Variants in DLGAP2 observed in about 807,000 individuals in gnomAD.
The protein encoded by DLGAP2 is disks large-associated protein 2.
In DLGAP2, 26 loss-of-function variants were observed where a neutral mutation model predicts 100.3. The observed-to-expected ratio is 0.26, with a 90% confidence interval of 0.19 to 0.36. The LOEUF (loss-of-function observed/expected upper bound fraction) is 0.36, where lower values mean the gene tolerates loss of function less well. Among genes scored for constraint, DLGAP2 ranks in the 10% least tolerant of loss-of-function variants. The pLI is 1.00. For missense variants in DLGAP2, 1,858 were observed against 1,453.2 expected, an observed-to-expected ratio of 1.28 and a Z score of -4.53; for synonymous variants, 886 against 630.1, an observed-to-expected ratio of 1.41 and a Z score of -6.08.
chr8:1,456,802 A>ACGCCGTGAGCCCGGG, intron 3 of DLGAP2, among the ~76,000 whole-genome samples: 2 of 152,104 alleles, frequency 1.3e-5, no homozygotes, highest in Non-Finnish European at 2.9e-5. Flanking sequence ...GAGCTCTGTG[A>ACGCCGTGAGCCCGGG]TGCCGTGAGC....
At chr8:1,025,310 C>A (rs1362518150) in intron 2 of DLGAP2, among the ~76,000 whole-genome samples, 5 of 152,122 alleles carry the variant, frequency 3.3e-5, no homozygotes, top group Non-Finnish European at 1.5e-5. Context: ...AACTTCATGA[C>A]GTGTCTGAAG....
intron 3 of DLGAP2, among the ~76,000 whole-genome samples, chr8:1,307,808 A>G (rs545607892): frequency 6.6e-6 from 1 of 152,172 alleles, no homozygotes; most frequent in East Asian, 1.9e-4. Flanking sequence ...TGAGGTACGA[A>G]AGCAGTCGAA....
At chr8:835,771 A>G (rs1324621430) in intron 1 of DLGAP2, among the ~76,000 whole-genome samples, 2 of 152,162 alleles carry the variant, frequency 1.3e-5, no homozygotes, top group African/African-American at 4.8e-5. Flanking sequence ...GTTAATTTAC[A>G]GTTAATTCAG....
chr8:920,904 A>G (rs894376009), intron 2 of DLGAP2, among the ~76,000 whole-genome samples: 3 of 152,218 alleles, frequency 2.0e-5, no homozygotes, highest in Non-Finnish European at 2.9e-5. Flanking sequence ...CATGCTGAGC[A>G]CTTGGCAGGA....
chr8:1,284,690 C>T (rs1215540931), intron 3 of DLGAP2, among the ~76,000 whole-genome samples: 1 of 152,214 alleles, frequency 6.6e-6, no homozygotes, highest in Admixed American at 6.5e-5. Context: ...GGCACCGTCT[C>T]AGCTCAGTGC....
At chr8:1,448,180 G>C (rs1043784014) in intron 3 of DLGAP2, among the ~76,000 whole-genome samples, 3 of 152,108 alleles carry the variant, frequency 2.0e-5, no homozygotes, top group Non-Finnish European at 4.4e-5. Context: ...TGTGACATTA[G>C]GGTGTTGATT....
At chr8:898,833 C>A (rs766634101) in intron 1 of DLGAP2, among the ~76,000 whole-genome samples, 1 of 152,206 alleles carries the variant, frequency 6.6e-6, no homozygotes, top group Non-Finnish European at 1.5e-5. Context: ...TCAGCTGCAG[C>A]TTTGAAGGGG....
chr8:819,927 G>A (rs1288184900), intron 1 of DLGAP2, among the ~76,000 whole-genome samples: 4 of 152,140 alleles, frequency 2.6e-5, no homozygotes, highest in Non-Finnish European at 5.9e-5. Context: ...TGGGAATAGG[G>A]GAGTGGATTA....
chr8:1,595,679 A>AC (rs1047711456), intron 6 of DLGAP2, among the ~76,000 whole-genome samples: 1 of 131,234 alleles, frequency 7.6e-6, no homozygotes, highest in African/African-American at 3.0e-5. Flanking sequence ...GTCTCAAAAA[A>AC]AAAAAAAAAA....
At chr8:1,007,539 A>T (rs779747307) in intron 2 of DLGAP2, among the ~76,000 whole-genome samples, 2 of 151,142 alleles carry the variant, frequency 1.3e-5, no homozygotes, top group Non-Finnish European at 3.0e-5. Flanking sequence ...CAGCGGATGT[A>T]CACGAAGCCA....
At chr8:1,085,379 G>A (rs12674929) in intron 2 of DLGAP2, among the ~76,000 whole-genome samples, 4,985 of 152,194 alleles carry the variant, frequency 0.033, 222 homozygotes, top group East Asian at 0.14. Context: ...TTATTTCTCT[G>A]TCTATGCTTT....
chr8:1,190,613 C>G (rs903521265), intron 2 of DLGAP2, among the ~76,000 whole-genome samples: 1 of 152,188 alleles, frequency 6.6e-6, no homozygotes, highest in Non-Finnish European at 1.5e-5. Flanking sequence ...GCCAAAACAG[C>G]TGTTTGGTGA....
intron 2 of DLGAP2, among the ~76,000 whole-genome samples, chr8:1,164,169 C>T (rs11785028): frequency 0.072 from 1,443 of 20,020 alleles, 168 homozygotes; most frequent in Middle Eastern, 0.19. Flanking sequence ...CCCCAGGGCC[C>T]GTCATTTTGG....
chr8:1,652,025 C>G (rs1798178824), intron 8 of DLGAP2, among the ~76,000 whole-genome samples: 1 of 152,240 alleles, frequency 6.6e-6, no homozygotes, highest in Non-Finnish European at 1.5e-5. Flanking sequence ...CCCAGTGAGG[C>G]TTTCTCTTTT....
At chr8:1,410,106 C>T (rs78094925) in intron 3 of DLGAP2, among the ~76,000 whole-genome samples, 2,037 of 152,258 alleles carry the variant, frequency 0.013, 21 homozygotes, top group Middle Eastern at 0.044. Context: ...CCCAGGAATG[C>T]CAGACGCTGA....
At chr8:1,602,435 A>T (rs1796658365) in intron 6 of DLGAP2, among the ~76,000 whole-genome samples, 1 of 152,226 alleles carries the variant, frequency 6.6e-6, no homozygotes, top group African/African-American at 2.4e-5. Context: ...TTTAACAGTG[A>T]AAGGCCTATT....
intron 1 of DLGAP2, among the ~76,000 whole-genome samples, chr8:757,890 G>C (rs541575082): frequency 1.1e-4 from 16 of 152,150 alleles, no homozygotes; most frequent in Admixed American, 2.6e-4. Context: ...TCCCAAATGC[G>C]TCTTGTCTCC....
rs186701930 is a variant in DLGAP2, at chr8:1,307,739, C to A, written c.106+48856C>A. On this transcript the variant is annotated intron_variant, in intron 3 of 14. Coordinates refer to ENST00000637795, the MANE Select transcript of DLGAP2 (RefSeq NM_001346810.2). The stretch of plus-strand genomic sequence containing the variant: ...GCACAATATAGATGAACCCTGAAGA[C>A]ATTCCACAAAATGAAATTCGCCCGT... Among the ~76,000 whole-genome samples the A allele has an allele frequency of 1.8e-4, 27 of 152,300 alleles. 2 individuals carry two copies. The highest frequency in any genetic ancestry group is 2.1e-4 in the Non-Finnish European group (14 of 68,028).
chr8:1,224,929 C>G (rs11785814), intron 2 of DLGAP2, among the ~76,000 whole-genome samples: 1 of 152,072 alleles, frequency 6.6e-6, no homozygotes, highest in African/African-American at 2.4e-5. Flanking sequence ...CAAAATTAAT[C>G]GGAAGCAAAG....
Sources: allele counts gnomAD v4.1 joint callset (sites outside exome capture counted in the v4.1 genomes callset), GRCh38; gene constraint gnomAD v4.1.1; transcripts MANE v1.5; gene names NCBI Gene and HGNC (gene_info 2026-07-23, HGNC 2026-07-21).